The following TAFA1 variants were observed in gnomAD, a reference collection of about 807,000 sequenced individuals.
TAFA1 encodes TAFA chemokine like family member 1.
TAFA1 carries 4 observed loss-of-function variants against 18.5 expected under a neutral mutation model. That is an observed-to-expected ratio of 0.22 (90% CI 0.11 to 0.49). TAFA1 has a LOEUF of 0.49. Among genes scored for constraint, TAFA1 ranks in the 20% least tolerant of loss-of-function variants. The pLI is 0.98. For synonymous variants in TAFA1, 56 were observed against 55.2 expected, an observed-to-expected ratio of 1.01 and a Z score of -0.06; for missense variants, 147 against 169.0, an observed-to-expected ratio of 0.87 and a Z score of 0.72.
At chr3:68,490,993 C>T (rs1166277735) in intron 3 of TAFA1, among the ~76,000 whole-genome samples, 1 of 151,874 alleles carries the variant, frequency 6.6e-6, no homozygotes, top group East Asian at 1.9e-4. Context: ...TGTACACTGC[C>T]ACACCCAGCT....
intron 2 of TAFA1, among the ~76,000 whole-genome samples, chr3:68,236,777 G>A (rs1179363830): frequency 1.3e-5 from 2 of 152,156 alleles, no homozygotes; most frequent in African/African-American, 4.8e-5. Context: ...ATGGAAGGAA[G>A]TCATCACTGA....
At chr3:68,511,334 A>T (rs969778003) in intron 3 of TAFA1, among the ~76,000 whole-genome samples, 1 of 152,186 alleles carries the variant, frequency 6.6e-6, no homozygotes. Flanking sequence ...CGTAGTTGCC[A>T]TAAGTGTTAT....
chr3:68,040,403 G>A (rs1229772540), intron 2 of TAFA1, among the ~76,000 whole-genome samples: 1 of 152,112 alleles, frequency 6.6e-6, no homozygotes, highest in Admixed American at 6.5e-5. Flanking sequence ...GAGGGTCACT[G>A]CTCCTATAGG....
At chr3:68,125,856 G>A (rs1488067558) in intron 2 of TAFA1, among the ~76,000 whole-genome samples, 2 of 151,998 alleles carry the variant, frequency 1.3e-5, no homozygotes, top group Non-Finnish European at 2.9e-5. Flanking sequence ...TGTGTGTAAG[G>A]GCAGCCCCAA....
intron 3 of TAFA1, among the ~76,000 whole-genome samples, chr3:68,537,123 T>C (rs1286550493): frequency 6.6e-6 from 1 of 152,108 alleles, no homozygotes; most frequent in African/African-American, 2.4e-5. Context: ...GTCCCCTTCA[T>C]TGAATAGAAA....
At chr3:68,470,270 T>C (rs888539234) in intron 3 of TAFA1, among the ~76,000 whole-genome samples, 6 of 152,196 alleles carry the variant, frequency 3.9e-5, no homozygotes, top group Non-Finnish European at 7.3e-5. Context: ...ACCTCTTTTC[T>C]TTATAAATTA....
At chr3:68,150,784 C>A (rs958945366) in intron 2 of TAFA1, among the ~76,000 whole-genome samples, 1 of 151,646 alleles carries the variant, frequency 6.6e-6, no homozygotes, top group Admixed American at 6.6e-5. Flanking sequence ...TGTTTCTTTT[C>A]AGAAAAAAAA....
chr3:68,459,846 C>T (rs2071742794), intron 3 of TAFA1, among the ~76,000 whole-genome samples: 1 of 152,166 alleles, frequency 6.6e-6, no homozygotes, highest in Admixed American at 6.5e-5. Context: ...ATCAGAGATA[C>T]CTGAAGCTCT....
intron 2 of TAFA1, among the ~76,000 whole-genome samples, chr3:68,409,401 G>A (rs1260335252): frequency 6.6e-6 from 1 of 152,096 alleles, no homozygotes; most frequent in Non-Finnish European, 1.5e-5. Flanking sequence ...TGGATCATGA[G>A]GGTGGTTTCC....
chr3:68,416,297 T>G (rs1021370325), intron 2 of TAFA1, among the ~76,000 whole-genome samples: 2 of 152,188 alleles, frequency 1.3e-5, no homozygotes, highest in Non-Finnish European at 2.9e-5. Flanking sequence ...GTATCCTCTA[T>G]GTACAGGAGA....
intron 3 of TAFA1, among the ~76,000 whole-genome samples, chr3:68,423,016 C>T (rs1253613585): frequency 2.0e-5 from 3 of 151,646 alleles, no homozygotes; most frequent in African/African-American, 7.3e-5. Flanking sequence ...CAAAACACAC[C>T]TATTTATTTG....
intron 2 of TAFA1, among the ~76,000 whole-genome samples, chr3:68,046,437 T>C (rs971217985): frequency 6.6e-6 from 1 of 152,226 alleles, no homozygotes; most frequent in Admixed American, 6.5e-5. Context: ...GAATACACTC[T>C]CTCACAGTTG....
intron 2 of TAFA1, among the ~76,000 whole-genome samples, chr3:68,393,034 T>C (rs1279746702): frequency 6.6e-6 from 1 of 151,600 alleles, no homozygotes; most frequent in Non-Finnish European, 1.5e-5. Flanking sequence ...GATAGAGAGA[T>C]GAAAAATCCT....
At chr3:68,075,531 C>G (rs547034937) in intron 2 of TAFA1, among the ~76,000 whole-genome samples, 27 of 152,202 alleles carry the variant, frequency 1.8e-4, no homozygotes, top group Admixed American at 1.5e-3. Context: ...AAGTAAATGC[C>G]ACCTTATTAC....
chr3:68,102,295 T>G (rs754817935), intron 2 of TAFA1, among the ~76,000 whole-genome samples: 3 of 152,150 alleles, frequency 2.0e-5, no homozygotes, highest in Admixed American at 6.6e-5. Flanking sequence ...TCTGTCCAAT[T>G]CTTTAAATAC....
intron 2 of TAFA1, among the ~76,000 whole-genome samples, chr3:68,057,666 A>C (rs756975669): frequency 1.3e-5 from 2 of 152,198 alleles, no homozygotes; most frequent in Non-Finnish European, 2.9e-5. Context: ...GTGTTTTTAA[A>C]TTAAGGATCT....
intron 2 of TAFA1, among the ~76,000 whole-genome samples, chr3:68,074,036 G>T (rs1057135102): frequency 4.6e-5 from 7 of 152,104 alleles, no homozygotes; most frequent in Admixed American, 6.6e-5. Flanking sequence ...TCAGTGGGAG[G>T]CCTGAGCTTG....
At chr3:68,171,431 G>A (rs2066052020) in intron 2 of TAFA1, among the ~76,000 whole-genome samples, 1 of 152,156 alleles carries the variant, frequency 6.6e-6, no homozygotes, top group Non-Finnish European at 1.5e-5. Flanking sequence ...TAATAAATTT[G>A]TGTTGTTTTA....
chr3:68,263,433 A>AACC (rs2067475354), intron 2 of TAFA1, among the ~76,000 whole-genome samples: 1 of 136,844 alleles, frequency 7.3e-6, no homozygotes, highest in African/African-American at 2.9e-5. Flanking sequence ...CAGATACTTT[A>AACC]ACCACACACA....
Sources: gnomAD v4.1 joint callset for allele counts (sites outside exome capture counted in the v4.1 genomes callset) on GRCh38, gnomAD v4.1.1 for gene constraint, MANE v1.5 for transcripts, NCBI Gene and HGNC (gene_info 2026-07-23, HGNC 2026-07-21) for gene names.